EFR3A: variants seen among roughly 807,000 people sequenced by gnomAD.
The protein encoded by EFR3A is EFR3 homolog A.
In EFR3A, 76 loss-of-function variants were observed where a neutral mutation model predicts 104.4. The observed-to-expected ratio is 0.73, with a 90% CI of 0.60 to 0.88. The LOEUF (loss-of-function observed/expected upper bound fraction) is 0.88. Ranked by LOEUF, EFR3A falls within the 40% of genes least tolerant of loss-of-function variation. The probability of loss-of-function intolerance (pLI) is 0.00; values close to 1 mark genes in which losing one functional copy is unlikely to be tolerated. For missense variants in EFR3A, 985 were observed against 1,012.5 expected (o/e 0.97, Z 0.37); for synonymous variants, 330 against 330.0 (o/e 1.00, Z 0.00).
chr8:131,944,447 A>G (rs1818320260), intron 2 of EFR3A, among the ~76,000 whole-genome samples: 1 of 152,136 alleles, frequency 6.6e-6, no homozygotes, highest in Non-Finnish European at 1.5e-5. Flanking sequence ...ATCTTTTTAC[A>G]TCTATATCCC....
chr8:131,913,243 A>T (rs1030684077), intron 1 of EFR3A, among the ~76,000 whole-genome samples: 2 of 151,420 alleles, frequency 1.3e-5, no homozygotes, highest in Non-Finnish European at 2.9e-5. Flanking sequence ...TATGTCAGAC[A>T]TGTCAAAATT....
chr8:131,947,625 A>T (rs1209733850), intron 4 of EFR3A, among the ~76,000 whole-genome samples: 12 of 151,838 alleles, frequency 7.9e-5, no homozygotes, highest in Non-Finnish European at 1.8e-4. Flanking sequence ...CTATTGCCTA[A>T]TCCAACATCA....
At chr8:131,971,314 A>T (rs1021342376) in intron 10 of EFR3A, among the ~76,000 whole-genome samples, 5 of 152,218 alleles carry the variant, frequency 3.3e-5, no homozygotes, top group African/African-American at 1.2e-4. Flanking sequence ...TTCCATTATG[A>T]CATGGACATT....
At position 131,985,072 on chromosome 8, in the gene EFR3A, A is replaced by G. The variant is rs763294961; in HGVS notation, c.1869+12A>G. The G allele has an allele frequency of 2.5e-6, 4 of 1,603,794 alleles. No homozygotes were observed. In the African/African-American group the frequency reaches 4.0e-5, roughly 16 times the overall value. ...AGCATGTTAGCAAGGTAATGTATTT[A>G]GAAAAGTCCTTAAACTTGAATTTTG... On this transcript the variant is annotated intron_variant, in intron 16 of 22. Coordinates refer to ENST00000254624, the MANE Select transcript of EFR3A (RefSeq NM_015137.6).
At chr8:131,946,297 G>T (rs567726786) in intron 3 of EFR3A, among the ~76,000 whole-genome samples, 186 bp from the exon 4 acceptor site, 1 of 152,008 alleles carries the variant, frequency 6.6e-6, no homozygotes, top group Non-Finnish European at 1.5e-5. Context: ...TCGATAAAAG[G>T]ATTATTTTAT....
At chr8:131,953,590 T>A (rs1818817250) in intron 5 of EFR3A, among the ~76,000 whole-genome samples, 2 of 152,160 alleles carry the variant, frequency 1.3e-5, no homozygotes, top group African/African-American at 4.8e-5. Flanking sequence ...TTTAACGTTT[T>A]AAATGCGGAT....
rs796505964 is a variant in EFR3A at position 132,008,328 on chromosome 8, G to A, written c.2361-2462G>A. Among the ~76,000 whole-genome samples the A allele has an allele frequency of 5.3e-5, 8 of 152,102 alleles. 1 individual carries two copies. The highest frequency in any genetic ancestry group is 1.9e-4 in the African/African-American group (8 of 41,552). The stretch of plus-strand genomic sequence containing the variant: ...TAAAATCATTCGTTAACAAGGAAAT[G>A]CAAATTTAAGATACCATTTTGTGCC... On this transcript the variant is annotated intron_variant, in intron 22 of 22. Coordinates refer to ENST00000254624, the MANE Select transcript of EFR3A (RefSeq NM_015137.6).
At chr8:131,917,104 C>A (rs546317071) in intron 1 of EFR3A, among the ~76,000 whole-genome samples, 25 of 152,316 alleles carry the variant, frequency 1.6e-4, no homozygotes, top group African/African-American at 6.0e-4. Flanking sequence ...CAACCCATTG[C>A]CATCTTGAGA....
At chr8:132,004,389 T>C (rs1225070402) in intron 22 of EFR3A, among the ~76,000 whole-genome samples, 2 of 152,220 alleles carry the variant, frequency 1.3e-5, no homozygotes, top group Non-Finnish European at 2.9e-5. Flanking sequence ...CATTAGATTC[T>C]CATAGGAGCA....
intron 4 of EFR3A, among the ~76,000 whole-genome samples, chr8:131,949,248 T>A (rs890745101): frequency 9.9e-5 from 15 of 152,148 alleles, no homozygotes; most frequent in African/African-American, 3.6e-4. Context: ...CATATATTAA[T>A]TATGTCATGA....
intron 5 of EFR3A, among the ~76,000 whole-genome samples, chr8:131,951,210 G>A (rs1013791930): frequency 1.3e-5 from 2 of 152,036 alleles, no homozygotes; most frequent in African/African-American, 2.4e-5. Flanking sequence ...AAGCTTAAAG[G>A]TGATTAAATA....
rs532326444 is a variant in EFR3A, at chr8:131,980,682, C to G, written c.1575+1261C>G. Among the ~76,000 whole-genome samples, 278 of 152,160 alleles carry G rather than the reference C, an allele frequency of 1.8e-3. 2 individuals carry two copies. Among genetic ancestry groups the G allele is most frequent in the African/African-American group, 6.5e-3 (270 of 41,548 alleles). On this transcript the variant is annotated intron_variant, in intron 14 of 22. Transcript: ENST00000254624. ...TATGGTGACATACTTGAAATTTACT[C>G]TCTTAGTTATTTTGAAATATACAAT... is the stretch of plus-strand genomic sequence containing the variant.
Position 131,916,274 on chromosome 8 carries a change from G to A in EFR3A, c.10+11952G>A, listed in dbSNP as rs550575286. Among the ~76,000 whole-genome samples, 7 of 152,308 alleles carry A rather than the reference G, an allele frequency of 4.6e-5. No individual in the cohort carries two copies. The South Asian group carries it at 1.4e-3, about 32-fold the overall frequency. ...GTCTAATTGGTGGGCTTTGGACTTG[G>A]ATGGTGGTTGTAGGAAGGACTGCAG... On this transcript the variant is annotated intron_variant, in intron 1 of 22. Transcript: ENST00000254624.
rs188208599 is a variant in EFR3A, at chr8:131,911,403, G to A, written c.10+7081G>A. Reference sequence around the variant, plus strand: ...TTTCTAAAATTGGTATCTATGAAGAGAGTTAGTTTAAGAATTGCAGGATCA... The same window carrying A: ...TTTCTAAAATTGGTATCTATGAAGAAAGTTAGTTTAAGAATTGCAGGATCA... On this transcript the variant is annotated intron_variant, in intron 1 of 22. Coordinates refer to ENST00000254624, the MANE Select transcript of EFR3A (RefSeq NM_015137.6). Among the ~76,000 whole-genome samples the A allele has an allele frequency of 4.5e-4, 69 of 152,276 alleles. 1 individual carries two copies. The highest frequency in any genetic ancestry group is 2.7e-3 in the South Asian group (13 of 4,828).
intron 19 of EFR3A, among the ~76,000 whole-genome samples, 186 bp downstream of exon 19, chr8:131,996,683 A>G (rs549661635): frequency 1.3e-5 from 2 of 152,066 alleles, no homozygotes; most frequent in Non-Finnish European, 2.9e-5. Flanking sequence ...TACTGAACTC[A>G]TTTCAGCTGT....
intron 14 of EFR3A, among the ~76,000 whole-genome samples, chr8:131,983,003 A>G (rs139122401): frequency 9.5e-4 from 145 of 152,284 alleles, no homozygotes; most frequent in Non-Finnish European, 1.7e-3. Flanking sequence ...AGTCATTGTC[A>G]CAGCTGGAGA....
intron 3 of EFR3A, 81 bp from the exon 4 acceptor site, chr8:131,946,402 T>C (rs967298191): frequency 1.6e-5 from 21 of 1,313,016 alleles, no homozygotes; most frequent in South Asian, 6.0e-5. Context: ...AATAGACTTA[T>C]TTCAGTTCTT....
intron 18 of EFR3A, among the ~76,000 whole-genome samples, chr8:131,990,196 A>C (rs1292578396): frequency 6.6e-6 from 1 of 152,228 alleles, no homozygotes; most frequent in Non-Finnish European, 1.5e-5. Context: ...AAAACACAGC[A>C]GCTGATTTGG....
intron 1 of EFR3A, among the ~76,000 whole-genome samples, chr8:131,914,150 A>G (rs62521267): frequency 2.0e-3 from 311 of 152,214 alleles, no homozygotes; most frequent in Non-Finnish European, 3.6e-3. Context: ...TGGGGGGGAC[A>G]CTCCAGGCAA....
Sources: allele counts gnomAD v4.1 joint callset (sites outside exome capture counted in the v4.1 genomes callset), GRCh38; gene constraint gnomAD v4.1.1; transcripts MANE v1.5; gene names NCBI Gene and HGNC (gene_info 2026-07-23, HGNC 2026-07-21).